SHISA9: variants seen among roughly 807,000 people sequenced by gnomAD.
SHISA9 encodes shisa family member 9, also known as protein shisa-9.
SHISA9 carries 13 observed loss-of-function variants against 38.0 expected under a neutral mutation model. The ratio of observed to expected loss-of-function variants is 0.34; its 90% confidence interval spans 0.22 to 0.54. The LOEUF (loss-of-function observed/expected upper bound fraction) is 0.54, where lower values mean the gene tolerates loss of function less well. SHISA9 is among the 20% of genes least tolerant of loss of function. SHISA9 has a pLI of 0.91. For synonymous variants in SHISA9, 275 were observed against 242.0 expected, an observed-to-expected ratio of 1.14 and a Z score of -1.27; for missense variants, 538 against 575.8, an observed-to-expected ratio of 0.93 and a Z score of 0.67.
the SHISA9 span, among the ~76,000 whole-genome samples, chr16:13,362,088 C>G: frequency 2.0e-5 from 3 of 151,924 alleles, no homozygotes; most frequent in Non-Finnish European, 1.5e-5. Context: ...TCCTGGCTGG[C>G]TGCAGTGGCT....
chr16:13,134,904 T>C (rs2050335344), intron 2 of SHISA9, among the ~76,000 whole-genome samples: 1 of 152,148 alleles, frequency 6.6e-6, no homozygotes, highest in African/African-American at 2.4e-5. Context: ...TGGGACATCC[T>C]GGACTCTTAG....
chr16:12,965,356 T>G (rs1471393848), intron 2 of SHISA9, among the ~76,000 whole-genome samples: 6 of 152,204 alleles, frequency 3.9e-5, no homozygotes, highest in African/African-American at 1.4e-4. Context: ...TCCAGAGCAC[T>G]TTCACCTCCT....
the SHISA9 span, among the ~76,000 whole-genome samples, chr16:13,471,564 C>T: frequency 4.6e-5 from 7 of 152,254 alleles, no homozygotes; most frequent in South Asian, 1.2e-3. Flanking sequence ...TTTGCTTCCC[C>T]TGCAGTGACA....
chr16:13,069,015 C>G (rs1295206776), intron 2 of SHISA9, among the ~76,000 whole-genome samples: 3 of 147,428 alleles, frequency 2.0e-5, no homozygotes, highest in African/African-American at 7.5e-5. Flanking sequence ...CGTATGCATA[C>G]ATATAAATGT....
the SHISA9 span, among the ~76,000 whole-genome samples, chr16:13,426,831 C>T: frequency 6.6e-6 from 1 of 152,230 alleles, no homozygotes; most frequent in Non-Finnish European, 1.5e-5. Context: ...AGTAATTAAA[C>T]ACTTCTCAGC....
intron 4 of SHISA9, among the ~76,000 whole-genome samples, chr16:13,219,636 A>C (rs2051202900): frequency 6.6e-6 from 1 of 152,182 alleles, no homozygotes. Flanking sequence ...GGGCAAAGAA[A>C]TGGAGAATGC....
the SHISA9 span, among the ~76,000 whole-genome samples, chr16:13,313,388 A>G: frequency 2.0e-5 from 3 of 152,248 alleles, no homozygotes; most frequent in Admixed American, 6.5e-5. Flanking sequence ...AGGAGAAAAT[A>G]TGTGTTTGGA....
chr16:13,150,038 A>AAC (rs1313405970), intron 2 of SHISA9, among the ~76,000 whole-genome samples: 1 of 148,906 alleles, frequency 6.7e-6, no homozygotes, highest in Non-Finnish European at 1.5e-5. Context: ...ATTAAAAAAA[A>AAC]AAAAAAAAAA....
At chr16:13,540,780 A>T in the SHISA9 span, among the ~76,000 whole-genome samples, 1 of 152,202 alleles carries the variant, frequency 6.6e-6, no homozygotes, top group African/African-American at 2.4e-5. Context: ...TGCCTGGTTC[A>T]AGTAGATGAT....
At chr16:12,966,839 G>T (rs987531931) in intron 2 of SHISA9, among the ~76,000 whole-genome samples, 1 of 152,212 alleles carries the variant, frequency 6.6e-6, no homozygotes, top group Non-Finnish European at 1.5e-5. Flanking sequence ...GAAAGACTCA[G>T]ATCTGTCCTG....
chr16:12,994,845 A>G (rs1329843130), intron 2 of SHISA9, among the ~76,000 whole-genome samples: 3 of 152,178 alleles, frequency 2.0e-5, no homozygotes, highest in Non-Finnish European at 4.4e-5. Context: ...CCCATTTACT[A>G]TGATTAAGAA....
intron 2 of SHISA9, among the ~76,000 whole-genome samples, chr16:13,163,501 A>G (rs1036336293): frequency 6.6e-6 from 1 of 152,128 alleles, no homozygotes; most frequent in East Asian, 1.9e-4. Flanking sequence ...TCCACTGTAT[A>G]TAATGTGTCC....
chr16:13,467,723 G>C, the SHISA9 span, among the ~76,000 whole-genome samples: 1 of 152,160 alleles, frequency 6.6e-6, no homozygotes, highest in Non-Finnish European at 1.5e-5. Context: ...TGGAGCCAAG[G>C]GGCAGCAAGA....
At chr16:13,133,084 C>T (rs1259244963) in intron 2 of SHISA9, among the ~76,000 whole-genome samples, 1 of 152,202 alleles carries the variant, frequency 6.6e-6, no homozygotes, top group African/African-American at 2.4e-5. Flanking sequence ...ATTGCCTCTA[C>T]ATTCCAGAAA....
intron 2 of SHISA9, among the ~76,000 whole-genome samples, chr16:12,978,560 C>A (rs972372843): frequency 6.6e-6 from 1 of 152,166 alleles, no homozygotes; most frequent in African/African-American, 2.4e-5. Flanking sequence ...CCATAAACAA[C>A]AATTAAGGAC....
chr16:13,229,816 T>C (rs2051313595), intron 4 of SHISA9, among the ~76,000 whole-genome samples: 1 of 152,160 alleles, frequency 6.6e-6, no homozygotes, highest in Non-Finnish European at 1.5e-5. Context: ...TCTGAGGGAA[T>C]GAGGGAGGCA....
chr16:12,976,539 A>C (rs2072164357), intron 2 of SHISA9, among the ~76,000 whole-genome samples: 2 of 152,174 alleles, frequency 1.3e-5, no homozygotes, highest in Admixed American at 6.5e-5. Flanking sequence ...TGTCAACAGA[A>C]TCATGGGGAT....
At chr16:13,527,898 C>G in the SHISA9 span, among the ~76,000 whole-genome samples, 2 of 152,254 alleles carry the variant, frequency 1.3e-5, no homozygotes, top group African/African-American at 4.8e-5. Context: ...ATGGAATTTA[C>G]AATTCAGGAA....
At chr16:13,071,817 T>A (rs1385294931) in intron 2 of SHISA9, among the ~76,000 whole-genome samples, 10 of 151,968 alleles carry the variant, frequency 6.6e-5, no homozygotes, top group East Asian at 5.8e-4. Context: ...TTTTTTTTTT[T>A]AATTTTTATG....
Sources: allele counts gnomAD v4.1 joint callset (sites outside exome capture counted in the v4.1 genomes callset), GRCh38; gene constraint gnomAD v4.1.1; transcripts MANE v1.5; gene names NCBI Gene and HGNC (gene_info 2026-07-23, HGNC 2026-07-21).